DOCK4: variants seen among roughly 807,000 people sequenced by gnomAD.
DOCK4 encodes the protein dedicator of cytokinesis 4.
DOCK4 carries 97 observed loss-of-function variants against 268.1 expected under a neutral mutation model. The observed-to-expected ratio is 0.36, with a 90% CI of 0.31 to 0.43. DOCK4 has a LOEUF of 0.43. Ranked by LOEUF, DOCK4 falls within the 20% of genes least tolerant of loss-of-function variation. The pLI is 1.00. For synonymous variants in DOCK4, 954 were observed against 887.2 expected (o/e 1.08, Z -1.34); for missense variants, 2,145 against 2,455.7 (o/e 0.87, Z 2.67).
chr7:112,115,689 T>TTATC (rs1391703711), intron 1 of DOCK4, among the ~76,000 whole-genome samples: 64 of 152,062 alleles, frequency 4.2e-4, no homozygotes, highest in African/African-American at 1.5e-3. Flanking sequence ...TGTAATCTAT[T>TTATC]TATCTATCTA....
chr7:112,066,700 TA>T (rs1290811157), intron 1 of DOCK4, among the ~76,000 whole-genome samples: 3 of 36,272 alleles, frequency 8.3e-5, no homozygotes, highest in African/African-American at 2.8e-4. Context: ...CATATATATA[TA>T]TATATATATA....
At chr7:112,057,952 C>G (rs568603914) in intron 1 of DOCK4, among the ~76,000 whole-genome samples, 3 of 149,214 alleles carry the variant, frequency 2.0e-5, no homozygotes, top group Admixed American at 1.3e-4. Context: ...CTTTATTTTA[C>G]GCTTAATAAG....
At position 111,758,794 on chromosome 7, in the gene DOCK4, G is replaced by C. The variant is rs868434007; in HGVS notation, c.4163-4C>G. Reference sequence around the variant, plus strand: ...GTCACAGCATATATCTGCAAATCTAGGATTCAAGAGTCAAGGAGAGAACCT... The same window carrying C: ...GTCACAGCATATATCTGCAAATCTACGATTCAAGAGTCAAGGAGAGAACCT... On this transcript the variant is annotated splice_polypyrimidine_tract_variant and splice_region_variant and intron_variant, in intron 40 of 52. Coordinates refer to ENST00000428084, the MANE Select transcript of DOCK4 (RefSeq NM_001363540.2). 2 of 1,613,290 alleles carry C rather than the reference G, an allele frequency of 1.2e-6. No homozygotes were observed. The highest frequency in any genetic ancestry group is 1.7e-6 in the Non-Finnish European group (2 of 1,179,658).
At chr7:111,926,518 AAAG>A (rs1472505478) in intron 12 of DOCK4, among the ~76,000 whole-genome samples, 2 of 134,076 alleles carry the variant, frequency 1.5e-5, no homozygotes, top group African/African-American at 2.7e-5. Context: ...AGGAAGAAAA[AAAG>A]AAAGAAAAAG....
chr7:112,191,876 C>A (rs1819981980), intron 1 of DOCK4, among the ~76,000 whole-genome samples: 2 of 151,374 alleles, frequency 1.3e-5, no homozygotes, highest in South Asian at 4.2e-4. Context: ...TCTGCCTGCC[C>A]ACTCTTATTT....
At chr7:111,792,435 T>C (rs1799611344) in intron 30 of DOCK4, among the ~76,000 whole-genome samples, 1 of 152,090 alleles carries the variant, frequency 6.6e-6, no homozygotes, top group Admixed American at 6.6e-5. Context: ...CAGGCTGGAG[T>C]GCAATGGCAC....
At chr7:111,770,441 G>A (rs1010227873) in intron 36 of DOCK4, among the ~76,000 whole-genome samples, 2 of 152,010 alleles carry the variant, frequency 1.3e-5, no homozygotes, top group Admixed American at 1.3e-4. Flanking sequence ...TTACATGCTT[G>A]GCATGGTTGG....
chr7:112,025,358 C>A (rs997642936), intron 1 of DOCK4, among the ~76,000 whole-genome samples: 2 of 152,222 alleles, frequency 1.3e-5, no homozygotes, highest in Admixed American at 1.3e-4. Flanking sequence ...TACAACAGAC[C>A]CAGCTTCCGA....
intron 1 of DOCK4, among the ~76,000 whole-genome samples, chr7:112,143,549 A>G (rs1815132542): frequency 6.6e-6 from 1 of 152,202 alleles, no homozygotes; most frequent in South Asian, 2.1e-4. Flanking sequence ...TGTATCTGAT[A>G]TATTTGTTTA....
intron 40 of DOCK4, 107 bp downstream of exon 40, chr7:111,760,074 T>G: frequency 7.3e-7 from 1 of 1,366,454 alleles, no homozygotes. Flanking sequence ...GCAGTAACGA[T>G]GTGGCTATTG....
chr7:111,973,156 C>CATACATATATATATATAT (rs1797861687), intron 8 of DOCK4, among the ~76,000 whole-genome samples: 1 of 114,062 alleles, frequency 8.8e-6, no homozygotes, highest in Non-Finnish European at 1.7e-5. Flanking sequence ...TATTCCATGG[C>CATACATATATATATATAT]ATATATATAT....
chr7:112,140,130 C>A (rs1235524890), intron 1 of DOCK4, among the ~76,000 whole-genome samples: 1 of 152,008 alleles, frequency 6.6e-6, no homozygotes, highest in East Asian at 1.9e-4. Flanking sequence ...CAAAAGTTTG[C>A]GATCTAGTCC....
intron 12 of DOCK4, 50 bp downstream of exon 12, chr7:111,935,490 A>G (rs200033031): frequency 1.3e-6 from 2 of 1,525,882 alleles, no homozygotes; most frequent in East Asian, 2.3e-5. Flanking sequence ...AACAAAAAAA[A>G]GGGCTTGGAA....
chr7:111,941,706 T>A (rs778328290), intron 10 of DOCK4, among the ~76,000 whole-genome samples: 2 of 152,122 alleles, frequency 1.3e-5, no homozygotes, highest in Non-Finnish European at 2.9e-5. Context: ...CTCCTACAGT[T>A]TACACAAGGG....
intron 1 of DOCK4, among the ~76,000 whole-genome samples, chr7:112,169,495 T>G (rs765516166): frequency 6.6e-6 from 1 of 152,154 alleles, no homozygotes; most frequent in South Asian, 2.1e-4. Context: ...CCCAAATATT[T>G]GATATTTTAA....
At chr7:111,916,225 C>T in intron 12 of DOCK4, among the ~76,000 whole-genome samples, 1 of 151,984 alleles carries the variant, frequency 6.6e-6, no homozygotes. Context: ...ACACTTATTC[C>T]AGAAGTAGAT....
chr7:111,906,351 T>C (rs756439368), intron 13 of DOCK4, among the ~76,000 whole-genome samples: 1 of 151,932 alleles, frequency 6.6e-6, no homozygotes, highest in African/African-American at 2.4e-5. Flanking sequence ...AGGTAGACAA[T>C]AGAATTAACT....
intron 1 of DOCK4, among the ~76,000 whole-genome samples, chr7:112,187,741 G>T (rs1454648305): frequency 6.6e-6 from 1 of 152,076 alleles, no homozygotes; most frequent in Non-Finnish European, 1.5e-5. Context: ...GCAACCAGTC[G>T]ATGGAATCTG....
intron 13 of DOCK4, among the ~76,000 whole-genome samples, chr7:111,908,128 G>A (rs1791749181): frequency 6.6e-6 from 1 of 151,744 alleles, no homozygotes; most frequent in Non-Finnish European, 1.5e-5. Flanking sequence ...CTGTTGATGT[G>A]TATTTCTCTA....
Sources: gnomAD v4.1 joint callset for allele counts (sites outside exome capture counted in the v4.1 genomes callset) on GRCh38, gnomAD v4.1.1 for gene constraint, MANE v1.5 for transcripts, NCBI Gene and HGNC (gene_info 2026-07-23, HGNC 2026-07-21) for gene names.